The following POFUT3 variants were observed in gnomAD, a reference collection of about 807,000 sequenced individuals.
The protein encoded by POFUT3 is GDP-fucose protein O-fucosyltransferase 3.
the POFUT3 span, among the ~76,000 whole-genome samples, chr8:33,405,145 A>C: frequency 6.6e-6 from 1 of 152,054 alleles, no homozygotes; most frequent in Non-Finnish European, 1.5e-5. Context: ...CCAGACCAGA[A>C]GCCCTCCTAT....
chr8:33,408,818 G>C, the POFUT3 span, among the ~76,000 whole-genome samples: 1 of 152,036 alleles, frequency 6.6e-6, no homozygotes, highest in Non-Finnish European at 1.5e-5. Context: ...CTTACAGAGG[G>C]GAACCAGGGA....
At chr8:33,309,093 G>GTTGC in the POFUT3 span, among the ~76,000 whole-genome samples, 7 of 132,406 alleles carry the variant, frequency 5.3e-5, no homozygotes, top group African/African-American at 1.7e-4. Context: ...AGCCCCGGCT[G>GTTGC]TTGCTTCCTA....
the POFUT3 span, among the ~76,000 whole-genome samples, chr8:33,312,332 T>C: frequency 6.6e-6 from 1 of 151,380 alleles, no homozygotes; most frequent in East Asian, 1.9e-4. Context: ...GACAATGCCA[T>C]GTGATGACAG....
the POFUT3 span, among the ~76,000 whole-genome samples, chr8:33,437,001 A>G: frequency 6.6e-6 from 1 of 152,104 alleles, no homozygotes; most frequent in African/African-American, 2.4e-5. Flanking sequence ...CTTATAAGAG[A>G]GAACGTGCAG....
the POFUT3 span, among the ~76,000 whole-genome samples, chr8:33,430,018 ACT>A: frequency 6.7e-6 from 1 of 148,996 alleles, no homozygotes; most frequent in East Asian, 2.0e-4. Context: ...AAAAAGAAAG[ACT>A]CCAGTTTATA....
chr8:33,317,565 T>G, the POFUT3 span, among the ~76,000 whole-genome samples: 1 of 152,162 alleles, frequency 6.6e-6, no homozygotes, highest in Non-Finnish European at 1.5e-5. Flanking sequence ...GAATTTTGCC[T>G]GTAACATCTG....
chr8:33,461,568 C>A, the POFUT3 span: 12 of 1,561,534 alleles, frequency 7.7e-6, no homozygotes, highest in East Asian at 2.9e-4. Flanking sequence ...CAATTTCCTG[C>A]ACTGCCATTC....
At chr8:33,328,000 C>T in the POFUT3 span, among the ~76,000 whole-genome samples, 1 of 152,200 alleles carries the variant, frequency 6.6e-6, no homozygotes, top group Admixed American at 6.5e-5. Flanking sequence ...CTCAATAGGG[C>T]ATTCTTAACT....
the POFUT3 span, among the ~76,000 whole-genome samples, chr8:33,311,293 A>G: frequency 6.6e-6 from 1 of 152,208 alleles, no homozygotes; most frequent in Non-Finnish European, 1.5e-5. Flanking sequence ...TCAGTAATTG[A>G]CAGAGGTCAC....
At chr8:33,397,874 A>G in the POFUT3 span, among the ~76,000 whole-genome samples, 1 of 152,204 alleles carries the variant, frequency 6.6e-6, no homozygotes, top group African/African-American at 2.4e-5. Context: ...TGCAGTCAAC[A>G]TATCTGGAGA....
At chr8:33,425,814 T>G in the POFUT3 span, among the ~76,000 whole-genome samples, 1 of 150,238 alleles carries the variant, frequency 6.7e-6, no homozygotes, top group Non-Finnish European at 1.5e-5. Context: ...TGGTCTCAGC[T>G]ACTCAGGAGG....
chr8:33,380,282 A>T, the POFUT3 span, among the ~76,000 whole-genome samples: 33 of 125,686 alleles, frequency 2.6e-4, 1 homozygote, highest in African/African-American at 9.8e-4. Context: ...GACAATATGC[A>T]TGAACATAAG....
chr8:33,326,020 A>G, the POFUT3 span, among the ~76,000 whole-genome samples: 1 of 152,178 alleles, frequency 6.6e-6, no homozygotes, highest in African/African-American at 2.4e-5. Flanking sequence ...TGCTATTTGC[A>G]TGGAGCTGCT....
the POFUT3 span, among the ~76,000 whole-genome samples, chr8:33,334,845 TCAACTC>T: frequency 5.3e-5 from 8 of 152,318 alleles, no homozygotes; most frequent in South Asian, 1.7e-3. Context: ...CTGAAGCAAT[TCAACTC>T]CAACAATACT....
the POFUT3 span, among the ~76,000 whole-genome samples, chr8:33,385,791 G>A: frequency 6.6e-6 from 1 of 152,160 alleles, no homozygotes; most frequent in Admixed American, 6.5e-5. Context: ...GGCTGAGGCA[G>A]GAGAATCACT....
chr8:33,308,936 T>G, the POFUT3 span, among the ~76,000 whole-genome samples: 2 of 151,192 alleles, frequency 1.3e-5, no homozygotes, highest in African/African-American at 4.9e-5. Context: ...AGTGTCTGAC[T>G]CTGGAGCCCA....
chr8:33,313,119 T>C, the POFUT3 span, among the ~76,000 whole-genome samples: 1 of 151,980 alleles, frequency 6.6e-6, no homozygotes, highest in African/African-American at 2.4e-5. Context: ...TTCTAATAGG[T>C]GAAAATCATA....
the POFUT3 span, among the ~76,000 whole-genome samples, chr8:33,468,233 G>A: frequency 1.0e-5 from 1 of 99,150 alleles, no homozygotes. Context: ...GAATGAAACT[G>A]TGTCTCAAAA....
At chr8:33,412,163 C>G in the POFUT3 span, among the ~76,000 whole-genome samples, 1 of 152,134 alleles carries the variant, frequency 6.6e-6, no homozygotes, top group Admixed American at 6.5e-5. Flanking sequence ...ACGGAAAATC[C>G]TCAATGTAAG....
Sources: allele counts gnomAD v4.1 joint callset (sites outside exome capture counted in the v4.1 genomes callset), GRCh38; gene constraint gnomAD v4.1.1; transcripts MANE v1.5; gene names NCBI Gene and HGNC (gene_info 2026-07-23, HGNC 2026-07-21).